The following TENM2 variants were observed in gnomAD, a reference collection of about 807,000 sequenced individuals.
TENM2 encodes the protein teneurin-2.
TENM2 carries 52 observed loss-of-function variants against 245.2 expected under a neutral mutation model. The ratio of observed to expected loss-of-function variants is 0.21; its 90% CI spans 0.17 to 0.27. The LOEUF (loss-of-function observed/expected upper bound fraction) is 0.27. Ranked by LOEUF, TENM2 falls within the 10% of genes least tolerant of loss-of-function variation. The pLI is 1.00. For synonymous variants in TENM2, 1,363 were observed against 1,438.9 expected, an observed-to-expected ratio of 0.95 and a Z score of 1.19; for missense variants, 3,046 against 3,666.8, an observed-to-expected ratio of 0.83 and a Z score of 4.37.
At chr5:167,315,033 C>T (rs901344798) in intron 1 of TENM2, among the ~76,000 whole-genome samples, 7 of 151,914 alleles carry the variant, frequency 4.6e-5, no homozygotes, top group African/African-American at 1.7e-4. Flanking sequence ...CTTAACCATT[C>T]CTTTCTTGGT....
chr5:168,210,365 C>T (rs1762695307), intron 19 of TENM2, among the ~76,000 whole-genome samples: 1 of 152,158 alleles, frequency 6.6e-6, no homozygotes, highest in African/African-American at 2.4e-5. Flanking sequence ...TAGGTCAGGC[C>T]TGCAGACCCA....
At chr5:167,781,551 T>A (rs1764187587) in intron 2 of TENM2, among the ~76,000 whole-genome samples, 1 of 152,200 alleles carries the variant, frequency 6.6e-6, no homozygotes, top group Admixed American at 6.5e-5. Flanking sequence ...GCCCTATAGC[T>A]GAGAGCGAGT....
At chr5:167,180,103 C>CTTTTTT in the TENM2 span, among the ~76,000 whole-genome samples, 391 of 114,924 alleles carry the variant, frequency 3.4e-3, 11 homozygotes, top group African/African-American at 0.015. Flanking sequence ...TAAGTGCTTC[C>CTTTTTT]TTTTTTTTTT....
the TENM2 span, among the ~76,000 whole-genome samples, chr5:167,229,024 A>G: frequency 6.6e-6 from 1 of 152,112 alleles, no homozygotes; most frequent in Non-Finnish European, 1.5e-5. Flanking sequence ...TTGATTCCAT[A>G]AGGGAGTTTC....
intron 2 of TENM2, among the ~76,000 whole-genome samples, chr5:167,676,477 C>T (rs972108862): frequency 2.6e-5 from 4 of 152,076 alleles, no homozygotes; most frequent in Non-Finnish European, 5.9e-5. Context: ...CTCAAGAGTA[C>T]TTTGACAAAT....
At chr5:167,392,102 G>A (rs916130929) in intron 2 of TENM2, among the ~76,000 whole-genome samples, 2 of 152,096 alleles carry the variant, frequency 1.3e-5, no homozygotes, top group Non-Finnish European at 2.9e-5. Flanking sequence ...TCAACCCACA[G>A]TCTTTTTTCC....
intron 1 of TENM2, among the ~76,000 whole-genome samples, chr5:167,340,871 T>G (rs1483181130): frequency 6.6e-6 from 1 of 152,244 alleles, no homozygotes; most frequent in Non-Finnish European, 1.5e-5. Context: ...AGAATATTCC[T>G]GTTTGGGGTT....
intron 2 of TENM2, among the ~76,000 whole-genome samples, chr5:167,629,445 T>C (rs1367129799): frequency 6.6e-6 from 1 of 152,228 alleles, no homozygotes; most frequent in Non-Finnish European, 1.5e-5. Flanking sequence ...CTATAAAACT[T>C]GTACACTTAA....
chr5:167,821,891 T>G (rs1043479472), intron 2 of TENM2, among the ~76,000 whole-genome samples: 2 of 152,084 alleles, frequency 1.3e-5, no homozygotes, highest in Admixed American at 1.3e-4. Context: ...CATTCAGTAG[T>G]CTCAAAAGCC....
At chr5:168,130,396 T>TA (rs1308897248) in intron 12 of TENM2, 3 of 152,214 alleles carry the variant, frequency 2.0e-5, no homozygotes, top group Non-Finnish European at 2.9e-5. Context: ...ATTGTGTAGA[T>TA]AAAAAATATA....
the TENM2 span, among the ~76,000 whole-genome samples, chr5:167,099,512 A>G: frequency 6.6e-6 from 1 of 152,168 alleles, no homozygotes; most frequent in Non-Finnish European, 1.5e-5. Context: ...CCTGACCAAC[A>G]TGGTGAAACC....
At chr5:168,120,755 A>G (rs905478761) in intron 10 of TENM2, among the ~76,000 whole-genome samples, 4 of 152,230 alleles carry the variant, frequency 2.6e-5, no homozygotes, top group Non-Finnish European at 4.4e-5. Flanking sequence ...CTGGATCAGC[A>G]CTTTTTCTTC....
At chr5:167,117,665 G>A in the TENM2 span, among the ~76,000 whole-genome samples, 4 of 152,268 alleles carry the variant, frequency 2.6e-5, no homozygotes, top group Admixed American at 6.5e-5. Flanking sequence ...ACTCTTTAGA[G>A]GTCATCACCT....
At chr5:167,196,234 A>T in the TENM2 span, among the ~76,000 whole-genome samples, 1 of 152,148 alleles carries the variant, frequency 6.6e-6, no homozygotes, top group East Asian at 1.9e-4. Flanking sequence ...GACAAAGTAC[A>T]GTAAAACGTA....
At chr5:168,062,933 G>A (rs1790173737) in intron 7 of TENM2, among the ~76,000 whole-genome samples, 1 of 152,028 alleles carries the variant, frequency 6.6e-6, no homozygotes, top group Non-Finnish European at 1.5e-5. Flanking sequence ...ATGAGGTGAT[G>A]GTTTACCCAA....
At chr5:167,395,501 T>C (rs1381974660) in intron 2 of TENM2, among the ~76,000 whole-genome samples, 1 of 152,142 alleles carries the variant, frequency 6.6e-6, no homozygotes, top group African/African-American at 2.4e-5. Context: ...TCCCTTTTCT[T>C]GTCTACTTGC....
intron 2 of TENM2, among the ~76,000 whole-genome samples, chr5:167,806,532 A>G (rs1583057256): frequency 6.6e-6 from 1 of 152,022 alleles, no homozygotes; most frequent in African/African-American, 2.4e-5. Context: ...GCCTTTCACT[A>G]CGTGGTAATG....
chr5:167,131,788 C>A, the TENM2 span, among the ~76,000 whole-genome samples: 1 of 151,968 alleles, frequency 6.6e-6, no homozygotes, highest in African/African-American at 2.4e-5. Flanking sequence ...GTATTAAACC[C>A]TTCTCTTTGG....
intron 2 of TENM2, among the ~76,000 whole-genome samples, chr5:167,822,332 G>T (rs1449604211): frequency 6.6e-6 from 1 of 152,128 alleles, no homozygotes; most frequent in East Asian, 1.9e-4. Flanking sequence ...TCGCTTGTTA[G>T]TTTCTATTTA....
Sources: gnomAD v4.1 joint callset for allele counts (sites outside exome capture counted in the v4.1 genomes callset) on GRCh38, gnomAD v4.1.1 for gene constraint, MANE v1.5 for transcripts, NCBI Gene and HGNC (gene_info 2026-07-23, HGNC 2026-07-21) for gene names.